The following TOX4 variants were observed in gnomAD, a reference collection of about 807,000 sequenced individuals.
The protein encoded by TOX4 is TOX high mobility group box family member 4.
In TOX4, 12 loss-of-function variants were observed where a neutral mutation model predicts 61.0. The ratio of observed to expected loss-of-function variants is 0.20; its 90% CI spans 0.13 to 0.32. TOX4 has a LOEUF of 0.32. Among genes scored for constraint, TOX4 ranks in the 10% least tolerant of loss-of-function variants. TOX4 has a pLI of 1.00. For missense variants in TOX4, 499 were observed against 753.3 expected, an observed-to-expected ratio of 0.66 and a Z score of 3.95; for synonymous variants, 268 against 274.8, an observed-to-expected ratio of 0.98 and a Z score of 0.24.
chr14:21,488,581 TTC>T lies in TOX4; in HGVS notation c.319-4_319-3del. The T allele has an allele frequency of 6.2e-7, 1 of 1,608,780 alleles. No homozygotes were observed. The highest frequency in any genetic ancestry group is 8.5e-7 in the Non-Finnish European group (1 of 1,175,386). ...TTTAGTGTTTAATTAGTCCTTCTGCTTCTCTCAGGACTTGGACCACTCTATAG... is the reference window on the plus strand; with the variant it reads ...TTTAGTGTTTAATTAGTCCTTCTGCTTCTCAGGACTTGGACCACTCTATAG... On this transcript the variant is annotated splice_polypyrimidine_tract_variant and splice_region_variant and intron_variant, in intron 3 of 8. Transcript: ENST00000448790.
chr14:21,478,772 G>A (rs1250485192), intron 2 of TOX4, among the ~76,000 whole-genome samples: 1 of 152,014 alleles, frequency 6.6e-6, no homozygotes, highest in Non-Finnish European at 1.5e-5. Flanking sequence ...ATGAAAATGG[G>A]GTTGACAAGG....
intron 2 of TOX4, among the ~76,000 whole-genome samples, chr14:21,486,553 C>A: frequency 6.6e-6 from 1 of 152,176 alleles, no homozygotes; most frequent in East Asian, 1.9e-4. Context: ...GTACCCAGGT[C>A]TCTCTGACAG....
chr14:21,490,987 A>G (rs995894521), intron 5 of TOX4, among the ~76,000 whole-genome samples: 1 of 152,132 alleles, frequency 6.6e-6, no homozygotes, highest in Admixed American at 6.5e-5. Flanking sequence ...CGCCACACCC[A>G]GCTAATGTTG....
At chr14:21,495,072 G>C (rs1891372070) in intron 7 of TOX4, among the ~76,000 whole-genome samples, 157 bp from the exon 8 acceptor site, 1 of 152,132 alleles carries the variant, frequency 6.6e-6, no homozygotes, top group South Asian at 2.1e-4. Flanking sequence ...GGACTATAGA[G>C]GGGAGACCAA....
At chr14:21,487,370 G>A in intron 2 of TOX4, 81 bp from the exon 3 acceptor site, 1 of 1,536,236 alleles carries the variant, frequency 6.5e-7, no homozygotes, top group African/African-American at 1.4e-5. Context: ...AGAATCTCTA[G>A]TACCCCATTA....
intron 7 of TOX4, among the ~76,000 whole-genome samples, chr14:21,493,933 TAG>T (rs1891347520): frequency 6.6e-6 from 1 of 152,046 alleles, no homozygotes. Context: ...GTATTTTTAT[TAG>T]AGACAGAGTT....
chr14:21,494,271 G>T (rs909509536), intron 7 of TOX4, among the ~76,000 whole-genome samples: 3 of 152,178 alleles, frequency 2.0e-5, no homozygotes, highest in African/African-American at 7.2e-5. Flanking sequence ...GGGGGTATAG[G>T]CAGAAAAATT....
At chr14:21,479,757 A>G (rs910506329) in intron 2 of TOX4, among the ~76,000 whole-genome samples, 5 of 152,148 alleles carry the variant, frequency 3.3e-5, no homozygotes, top group South Asian at 2.1e-4. Flanking sequence ...GAGTGTTGCA[A>G]ATCTCACATT....
chr14:21,489,701 C>T (rs1157520160), intron 5 of TOX4, among the ~76,000 whole-genome samples: 1 of 151,990 alleles, frequency 6.6e-6, no homozygotes, highest in Non-Finnish European at 1.5e-5. Context: ...GCTTCAGCCT[C>T]CCGAGTAGCT....
intron 7 of TOX4, 46 bp from the exon 8 acceptor site, chr14:21,495,183 G>T (rs1891374451): frequency 6.3e-7 from 1 of 1,595,466 alleles, no homozygotes; most frequent in South Asian, 1.1e-5. Flanking sequence ...AGCTAGCTAG[G>T]CAGGGAGCAA....
intron 7 of TOX4, among the ~76,000 whole-genome samples, chr14:21,494,202 T>C (rs992670696): frequency 6.6e-6 from 1 of 152,254 alleles, no homozygotes; most frequent in Admixed American, 6.5e-5. Context: ...CATGCAAAGC[T>C]TTTCATTTCT....
intron 8 of TOX4, among the ~76,000 whole-genome samples, 162 bp from the exon 9 acceptor site, chr14:21,496,384 G>A (rs925924435): frequency 5.9e-5 from 9 of 151,848 alleles, no homozygotes; most frequent in Admixed American, 1.3e-4. Context: ...AAAATTGGCC[G>A]GGCATGGTGG....
At chr14:21,493,848 C>G (rs1234302255) in intron 7 of TOX4, among the ~76,000 whole-genome samples, 7 of 152,026 alleles carry the variant, frequency 4.6e-5, no homozygotes, top group Non-Finnish European at 8.8e-5. Flanking sequence ...CCTCCTAGTT[C>G]AAGTGATTCT....
At position 21,492,823 on chromosome 14, in the gene TOX4, G is replaced by T. The variant is rs1230540087; in HGVS notation, c.1207G>T (p.Gly403Cys). ...GGTGACCTCCCGGGGGCTCCAACTA[G>T]GCCAAACCAGTACAGCTACTATCCA... ...TVVTSRGLQL[G>C]QTSTATIQPS... Residue 403 changes from glycine to cysteine, a missense_variant, in exon 7 of 9, where the codon GGC becomes TGC. This residue lies in a region of TOX4 where 296 missense variants were observed against 404.7 expected (regional missense o/e 0.73). Transcript: ENST00000448790. 6.2e-7 allele frequency: 1 copy of T among 1,613,970 alleles called. No homozygotes were observed. Among genetic ancestry groups the T allele is most frequent in the Non-Finnish European group, 8.5e-7 (1 of 1,179,996 alleles).
Position 21,492,630 on chromosome 14 carries a change from C to G in TOX4, c.1014C>G (p.Ser338=). 2 of 1,613,720 alleles carry G rather than the reference C, an allele frequency of 1.2e-6. No individual in the cohort carries two copies. The highest frequency in any genetic ancestry group is 2.2e-5 in the South Asian group (2 of 91,072). ...CTTCAATAGAGCCCCCTGCCCTGTC[C>G]CCATCCATTGTTGTTAACTCCACCC... ...APASIEPPAL[S]PSIVVNSTLS... Residue 338 remains serine (S), a synonymous_variant, in exon 7 of 9, where the codon TCC becomes TCG. Coordinates refer to ENST00000448790, the MANE Select transcript of TOX4 (RefSeq NM_014828.4).
At chr14:21,483,689 C>A (rs72684773) in intron 2 of TOX4, among the ~76,000 whole-genome samples, 39,893 of 151,380 alleles carry the variant, frequency 0.26, 5,429 homozygotes, top group Middle Eastern at 0.33. Context: ...TTAAAAAAAA[C>A]AACAACAAAA....
At chr14:21,487,943 G>A (rs1240665056) in intron 3 of TOX4, 8 of 368,614 alleles carry the variant, frequency 2.2e-5, no homozygotes, top group Non-Finnish European at 2.8e-5. Flanking sequence ...TTGGGAAAAA[G>A]TGTTTTCTGC....
At position 21,493,691 on chromosome 14, in the gene TOX4, G is replaced by A. The variant is rs530449233; in HGVS notation, c.1641+434G>A. ...TGATCTCAGGTGATCTGCCTGCCTC[G>A]GCCTCCCAAAGTGCTGGGATTACAG... On this transcript the variant is annotated intron_variant, in intron 7 of 8. Transcript: ENST00000448790. Among the ~76,000 whole-genome samples the A allele has an allele frequency of 1.5e-4, 23 of 152,050 alleles. 1 individual carries two copies. In the East Asian group the frequency reaches 3.7e-3, roughly 24 times the overall value.
At chr14:21,495,711 A>G in intron 8 of TOX4, 1 of 166,330 alleles carries the variant, frequency 6.0e-6, no homozygotes, top group Non-Finnish European at 1.3e-5. Flanking sequence ...CAGACTACTT[A>G]GGGAACTAGA....
Sources: gnomAD v4.1 joint callset for allele counts (sites outside exome capture counted in the v4.1 genomes callset) on GRCh38, gnomAD v4.1.1 for gene constraint, gnomAD v4.1.1 regional missense constraint, MANE v1.5 for transcripts, NCBI Gene and HGNC (gene_info 2026-07-23, HGNC 2026-07-21) for gene names.